DAB1: variants seen among roughly 807,000 people sequenced by gnomAD.
The protein encoded by DAB1 is DAB adaptor protein 1.
Under a neutral mutation model 64.6 loss-of-function variants are expected in DAB1, and 15 were observed. The ratio of observed to expected loss-of-function variants is 0.23; its 90% CI spans 0.16 to 0.36. The LOEUF is 0.36. DAB1 is among the 10% of genes least tolerant of loss of function. The probability of loss-of-function intolerance (pLI) is 1.00; values close to 1 mark genes in which losing one functional copy is unlikely to be tolerated. For synonymous variants in DAB1, 235 were observed against 251.9 expected (o/e 0.93, Z 0.64); for missense variants, 596 against 706.7 (o/e 0.84, Z 1.78).
chr1:58,090,755 A>T (rs7535129), intron 5 of DAB1, among the ~76,000 whole-genome samples: 10,465 of 152,258 alleles, frequency 0.069, 479 homozygotes, highest in African/African-American at 0.12. Context: ...AATCAGACAC[A>T]GCCCAGTACA....
chr1:57,710,040 C>A (rs1231868184), intron 6 of DAB1, among the ~76,000 whole-genome samples: 4 of 152,066 alleles, frequency 2.6e-5, no homozygotes, highest in African/African-American at 7.2e-5. Context: ...GGAAGCCTTG[C>A]GGAGGACTCC....
At chr1:57,649,030 C>T (rs768942752) in intron 7 of DAB1, among the ~76,000 whole-genome samples, 11 of 152,226 alleles carry the variant, frequency 7.2e-5, no homozygotes, top group Non-Finnish European at 1.5e-4. Flanking sequence ...GTATGAAGCA[C>T]ATAATTCAGG....
intron 5 of DAB1, among the ~76,000 whole-genome samples, chr1:58,122,681 T>A (rs944006067): frequency 7.2e-5 from 11 of 152,184 alleles, no homozygotes; most frequent in Non-Finnish European, 1.2e-4. Flanking sequence ...ATTGGCCCCA[T>A]CACTTCCTCA....
At chr1:57,160,183 T>C (rs1660613297) in intron 2 of DAB1, among the ~76,000 whole-genome samples, 1 of 152,224 alleles carries the variant, frequency 6.6e-6, no homozygotes, top group African/African-American at 2.4e-5. Context: ...AGTAAAGTAT[T>C]ACACTAGGTA....
chr1:58,505,781 A>T (rs369008050), intron 3 of DAB1, among the ~76,000 whole-genome samples: 36 of 152,294 alleles, frequency 2.4e-4, no homozygotes, highest in African/African-American at 7.9e-4. Context: ...TGAGTTTTAA[A>T]CTTTCATCAA....
intron 4 of DAB1, among the ~76,000 whole-genome samples, chr1:57,128,751 CTT>C (rs1657377431): frequency 6.6e-6 from 1 of 152,130 alleles, no homozygotes; most frequent in African/African-American, 2.4e-5. Flanking sequence ...CACTGTAAAT[CTT>C]CAGTCACAGG....
chr1:57,072,236 C>T (rs779474154), intron 5 of DAB1, 47 bp downstream of exon 5: 9 of 1,607,322 alleles, frequency 5.6e-6, no homozygotes, highest in Non-Finnish European at 5.1e-6. Flanking sequence ...TGGACTGTCC[C>T]CCCAGAGTTC....
chr1:58,198,901 T>A (rs1657842643), intron 4 of DAB1, among the ~76,000 whole-genome samples: 1 of 151,904 alleles, frequency 6.6e-6, no homozygotes, highest in Non-Finnish European at 1.5e-5. Flanking sequence ...AGGTCAAGAG[T>A]TCGGGACCAG....
chr1:58,506,972 T>C (rs1265769840), intron 2 of DAB1, among the ~76,000 whole-genome samples: 1 of 152,100 alleles, frequency 6.6e-6, no homozygotes, highest in Non-Finnish European at 1.5e-5. Context: ...TACATACTCA[T>C]ACGTATATAC....
At chr1:58,088,821 C>T (rs1650470985) in intron 5 of DAB1, among the ~76,000 whole-genome samples, 1 of 152,240 alleles carries the variant, frequency 6.6e-6, no homozygotes, top group African/African-American at 2.4e-5. Context: ...GACATCAAGG[C>T]TACAACACCA....
At chr1:58,149,367 A>G (rs987779545) in intron 5 of DAB1, among the ~76,000 whole-genome samples, 2 of 152,174 alleles carry the variant, frequency 1.3e-5, no homozygotes, top group Admixed American at 1.3e-4. Flanking sequence ...GGAAAGAAGG[A>G]AAGACTTTAT....
At chr1:58,118,557 A>G (rs1359565080) in intron 5 of DAB1, among the ~76,000 whole-genome samples, 11 of 104,926 alleles carry the variant, frequency 1.0e-4, no homozygotes, top group African/African-American at 5.4e-4. Context: ...ATACATATAT[A>G]TAAAATACAT....
chr1:58,154,452 CTTCA>C (rs143773624), intron 4 of DAB1, among the ~76,000 whole-genome samples: 42,477 of 151,058 alleles, frequency 0.28, 6,278 homozygotes, highest in South Asian at 0.45. Context: ...TCATGCAGTT[CTTCA>C]TTCATTCATT....
chr1:57,695,386 AAG>A (rs1484191795), intron 6 of DAB1, among the ~76,000 whole-genome samples: 13 of 75,314 alleles, frequency 1.7e-4, no homozygotes, highest in Admixed American at 1.6e-3. Flanking sequence ...GAAAGAAAGA[AAG>A]AAAGAAAGAA....
At chr1:57,870,185 G>A (rs1252511022) in intron 1 of DAB1, among the ~76,000 whole-genome samples, 1 of 152,116 alleles carries the variant, frequency 6.6e-6, no homozygotes, top group Non-Finnish European at 1.5e-5. Flanking sequence ...GGTGCATACA[G>A]GAGGCATACA....
intron 2 of DAB1, among the ~76,000 whole-genome samples, chr1:58,518,337 A>AGAGAAGAGAG (rs1646203760): frequency 1.5e-5 from 2 of 131,914 alleles, no homozygotes; most frequent in Non-Finnish European, 3.2e-5. Flanking sequence ...AGAGAAGAGA[A>AGAGAAGAGAG]GAGAAGAGAA....
intron 3 of DAB1, among the ~76,000 whole-genome samples, chr1:58,449,919 C>T (rs2100290539): frequency 6.6e-6 from 1 of 152,304 alleles, no homozygotes; most frequent in South Asian, 2.1e-4. Context: ...ACTAGCATAA[C>T]ACCTGATTAT....
intron 1 of DAB1, among the ~76,000 whole-genome samples, chr1:57,321,795 G>A (rs1343796077): frequency 1.3e-5 from 2 of 152,110 alleles, no homozygotes; most frequent in Non-Finnish European, 1.5e-5. Context: ...CACTTCAAAG[G>A]CACTCAGTAT....
Position 57,373,415 on chromosome 1 carries a change from C to T in DAB1, c.-137+50515G>A, listed in dbSNP as rs1003149662. Reference sequence around the variant, plus strand: ...TAGAAGAAAGAAAAATGTGTGTGCACGTGTGTGTGTATGCCTATTGTGTTT... The same window carrying T: ...TAGAAGAAAGAAAAATGTGTGTGCATGTGTGTGTGTATGCCTATTGTGTTT... On this transcript the variant is annotated intron_variant, in intron 1 of 14. Coordinates refer to ENST00000371236, the MANE Select transcript of DAB1 (RefSeq NM_001365792.1). Among the ~76,000 whole-genome samples the T allele has an allele frequency of 5.3e-5, 8 of 152,152 alleles. No homozygotes were observed. In the South Asian group the frequency reaches 1.2e-3, roughly 24 times the overall value.
Sources: allele counts gnomAD v4.1 joint callset (sites outside exome capture counted in the v4.1 genomes callset), GRCh38; gene constraint gnomAD v4.1.1; transcripts MANE v1.5; gene names NCBI Gene and HGNC (gene_info 2026-07-23, HGNC 2026-07-21).